The following IGSF3 variants were observed in gnomAD, a reference collection of about 807,000 sequenced individuals.
IGSF3 encodes the protein immunoglobulin superfamily member 3, also known as glu-Trp-Ile EWI motif-containing protein 3.
Under a neutral mutation model 114.4 loss-of-function variants are expected in IGSF3, and 23 were observed. That is an observed-to-expected ratio of 0.20 (90% CI 0.14 to 0.28). The LOEUF (loss-of-function observed/expected upper bound fraction) is 0.28. IGSF3 is among the 10% of genes least tolerant of loss of function. IGSF3 has a pLI of 1.00. For synonymous variants in IGSF3, 571 were observed against 645.2 expected (o/e 0.88, Z 1.74); for missense variants, 1,172 against 1,591.5 (o/e 0.74, Z 4.48).
chr1:116,651,541 T>C lies in IGSF3; in HGVS notation c.43+14743A>G, dbSNP rs1207939937. Among the ~76,000 whole-genome samples, 1 of 152,240 alleles carries C rather than the reference T, an allele frequency of 6.6e-6. No individual in the cohort carries two copies. Among genetic ancestry groups the C allele is most frequent in the Non-Finnish European group, 1.5e-5 (1 of 68,052 alleles). On this transcript the variant is annotated intron_variant, in intron 2 of 10. Coordinates refer to ENST00000369486, the MANE Select transcript of IGSF3 (RefSeq NM_001007237.3). The surrounding 1 kb of genome is among the most constrained non-coding windows in gnomAD (Gnocchi z 4.4). ...ATACCATAGCTAGCATTTCTTTGGC[T>C]AGAGAAAACTGTGTTAAATGCAGCC...
At chr1:116,621,767 A>G (rs553694912) in intron 2 of IGSF3, among the ~76,000 whole-genome samples, 1 of 152,360 alleles carries the variant, frequency 6.6e-6, no homozygotes, top group East Asian at 1.9e-4. Context: ...ATTAAGAAAC[A>G]TTGCATCAGA....
At position 116,608,012 on chromosome 1, in the gene IGSF3, G is replaced by T. The variant is rs752361494; in HGVS notation, c.1152C>A (p.Thr384=). Residue 384 remains threonine (T), a synonymous_variant, in exon 5 of 11, where the codon ACC becomes ACA. Transcript: ENST00000369486. ...CCTTATCAATGAATTCCCCGGTCAC[G>T]GTTTTCTCTCGCTCAGTCACCCGGC... ...YNCRVTEREK[T]VTGEFIDKES... is the part of the protein sequence containing the mutation. 1.2e-6 allele frequency: 2 copies of T among 1,613,780 alleles called. No individual in the cohort carries two copies. Among genetic ancestry groups the T allele is most frequent in the Non-Finnish European group, 1.7e-6 (2 of 1,179,832 alleles).
Position 116,655,122 on chromosome 1 carries a change from G to A in IGSF3, c.43+11162C>T, listed in dbSNP as rs185895998. On this transcript the variant is annotated intron_variant, in intron 2 of 10. Transcript: ENST00000369486. This position sits in a 1 kb window ranked among gnomAD's most constrained non-coding sequence, Gnocchi z 4.3. ...TATTAAAGATTAAAAATACATATCA[G>A]GTGACAACTTAAAATGTTAGTCATG... is the stretch of plus-strand genomic sequence containing the variant. Among the ~76,000 whole-genome samples the A allele has an allele frequency of 8.4e-4, 128 of 152,308 alleles. No homozygotes were observed. The highest frequency in any genetic ancestry group is 1.3e-3 in the Non-Finnish European group (88 of 68,026).
intron 2 of IGSF3, among the ~76,000 whole-genome samples, chr1:116,646,540 A>G (rs564686278): frequency 1.3e-5 from 2 of 152,358 alleles, no homozygotes; most frequent in South Asian, 2.1e-4. Flanking sequence ...TCCTTAATTC[A>G]TTGAGAAGGC....
At position 116,617,350 on chromosome 1, in the gene IGSF3, G is replaced by A. The variant is rs974313964; in HGVS notation, c.44-893C>T. 7.1e-6 allele frequency: 7 copies of A among 985,248 alleles called. No individual in the cohort carries two copies. In the African/African-American group the frequency reaches 1.0e-4, roughly 15 times the overall value. 61.0% of individuals were successfully genotyped at this position (985,248 alleles called of 1,614,324 possible). ...TTCACGCCAACTCAACACTGATTGT[G>A]CCTGAGCCACTCAGAAGGCGGGAGG... On this transcript the variant is annotated intron_variant, in intron 2 of 10. Coordinates refer to ENST00000369486, the MANE Select transcript of IGSF3 (RefSeq NM_001007237.3).
rs768023190 is a variant in IGSF3 at position 116,588,922 on chromosome 1, C to A, written c.2212G>T (p.Ala738Ser). 11 of 1,614,180 alleles carry A rather than the reference C, an allele frequency of 6.8e-6. No individual in the cohort carries two copies. The East Asian group carries it at 2.0e-4, about 29-fold the overall frequency. ...TCGGCGTAAGTACCGTATTCAAAGG[C>A]GGAGTTGTGGGTGGTCTTCAGGATA... Reference protein sequence around the residue: ...KLILKTTHNSAFEYGTYAEEE... With the variant: ...KLILKTTHNSSFEYGTYAEEE... The change falls in exon 8 of 11, where the codon GCC (alanine) becomes TCC (serine). Residue 738 changes from alanine (A) to serine (S), a missense_variant. Physicochemically the swap from Ala to Ser is moderately conservative, Grantham distance 99. Coordinates refer to ENST00000369486, the MANE Select transcript of IGSF3 (RefSeq NM_001007237.3). This position sits in a 1 kb window ranked among gnomAD's most constrained non-coding sequence, Gnocchi z 4.9.
chr1:116,638,394 C>T lies in IGSF3; in HGVS notation c.44-21937G>A, dbSNP rs568504341. On this transcript the variant is annotated intron_variant, in intron 2 of 10. Coordinates refer to ENST00000369486, the MANE Select transcript of IGSF3 (RefSeq NM_001007237.3). This position sits in a 1 kb window ranked among gnomAD's most constrained non-coding sequence, Gnocchi z 4.1. The stretch of plus-strand genomic sequence containing the variant: ...TGCCAGTCCACTCAGTAAACTACTG[C>T]CATACAGGTCTCCCACAGCAGTTTC... 5.1e-4 allele frequency among the ~76,000 whole-genome samples: 77 copies of T among 152,340 alleles called. No individual in the cohort carries two copies. Among genetic ancestry groups the T allele is most frequent in the Middle Eastern group, 6.8e-3 (2 of 294 alleles).
At position 116,655,383 on chromosome 1, in the gene IGSF3, A is replaced by G. The variant is rs1158281267; in HGVS notation, c.43+10901T>C. 6.6e-6 allele frequency among the ~76,000 whole-genome samples: 1 copy of G among 152,240 alleles called. No individual in the cohort carries two copies. Among genetic ancestry groups the G allele is most frequent in the African/African-American group, 2.4e-5 (1 of 41,450 alleles). On this transcript the variant is annotated intron_variant, in intron 2 of 10. Transcript: ENST00000369486. This position sits in a 1 kb window ranked among gnomAD's most constrained non-coding sequence, Gnocchi z 4.3. ...ACATGAATCCCACAGCCATCTCTCC[A>G]AAAGAACAACTATTTTAAAAATCAG...
Position 116,603,855 on chromosome 1 carries a change from G to C in IGSF3, c.1393C>G (p.Arg465Gly). The change falls in exon 6 of 11, where the codon CGG becomes GGG. Residue 465 changes from arginine (R) to glycine (G), a missense_variant. Arg to Gly is a moderately radical substitution (Grantham distance 125). This residue lies in a region of IGSF3 where 736 missense variants were observed against 1,042.0 expected (regional missense o/e 0.71). Coordinates refer to ENST00000369486, the MANE Select transcript of IGSF3 (RefSeq NM_001007237.3). The surrounding 1 kb of genome is among the most constrained non-coding windows in gnomAD (Gnocchi z 7.1). ...GAGCCTGGCTGCACGGTGCCATCCC[G>C]GTCTAGCCACATGATATTGCTGCGG... ...NRRSNIMWLDRDGTVQPGSSY... is the reference protein window; with the variant it reads ...NRRSNIMWLDGDGTVQPGSSY... The C allele has an allele frequency of 6.2e-7, 1 of 1,613,998 alleles. No individual in the cohort carries two copies. The highest frequency in any genetic ancestry group is 8.5e-7 in the Non-Finnish European group (1 of 1,179,900).
chr1:116,601,576 T>TA (rs1312868968), intron 6 of IGSF3, among the ~76,000 whole-genome samples: 2 of 152,244 alleles, frequency 1.3e-5, no homozygotes, highest in Middle Eastern at 3.4e-3. Context: ...AATAGAAATT[T>TA]AAAAAAAGTA....
Position 116,577,102 on chromosome 1 carries a change from C to T in IGSF3, c.*210G>A. The T allele has an allele frequency of 1.7e-6, 1 of 578,328 alleles. No individual in the cohort carries two copies. The highest frequency in any genetic ancestry group is 2.1e-5 in the South Asian group (1 of 46,678). 35.8% of individuals were successfully genotyped at this position (578,328 alleles called of 1,614,324 possible). On this transcript the variant is annotated 3_prime_UTR_variant, in exon 11 of 11. Transcript: ENST00000369486. This position sits in a 1 kb window ranked among gnomAD's most constrained non-coding sequence, Gnocchi z 5.7. ...CAAGAAATCTATAATGGCAGGATCA[C>T]AACATTTGCGCGCAAATAGCTAACC...
At chr1:116,630,553 A>G (rs1376232835) in intron 2 of IGSF3, among the ~76,000 whole-genome samples, 1 of 152,160 alleles carries the variant, frequency 6.6e-6, no homozygotes, top group African/African-American at 2.4e-5. Flanking sequence ...ATCCAAACCC[A>G]CAATCTCTGA....
intron 7 of IGSF3, among the ~76,000 whole-genome samples, chr1:116,597,138 C>T (rs561243180): frequency 1.1e-4 from 16 of 152,322 alleles, no homozygotes; most frequent in African/African-American, 3.6e-4. Context: ...CCCCCATTCA[C>T]TAGGTGTTTA....
chr1:116,638,873 C>A lies in IGSF3; in HGVS notation c.44-22416G>T, dbSNP rs919865010. On this transcript the variant is annotated intron_variant, in intron 2 of 10. Transcript: ENST00000369486. The surrounding 1 kb of genome is among the most constrained non-coding windows in gnomAD (Gnocchi z 4.1). Reference sequence around the variant, plus strand: ...CATCCCCACCTGCAGATGAGTATGGCACCCCAAGGTTAAGTATCTGCCCAG... The same window carrying A: ...CATCCCCACCTGCAGATGAGTATGGAACCCCAAGGTTAAGTATCTGCCCAG... Among the ~76,000 whole-genome samples, 6 of 152,148 alleles carry A rather than the reference C, an allele frequency of 3.9e-5. No individual in the cohort carries two copies. The highest frequency in any genetic ancestry group is 9.7e-5 in the African/African-American group (4 of 41,426).
intron 7 of IGSF3, among the ~76,000 whole-genome samples, chr1:116,590,371 G>GAA (rs1332127076): frequency 7.4e-6 from 1 of 134,254 alleles, no homozygotes; most frequent in Non-Finnish European, 1.6e-5. Flanking sequence ...TACTAAAAAT[G>GAA]AAAAAAAAAA....
At chr1:116,640,699 TGATAAATTTTTA>T (rs1259589291) in intron 2 of IGSF3, among the ~76,000 whole-genome samples, 4 of 152,238 alleles carry the variant, frequency 2.6e-5, no homozygotes, top group African/African-American at 9.6e-5. Context: ...ATTTTCCTAC[TGATAAATTTTTA>T]AGTGGTTTCC....
Position 116,585,113 on chromosome 1 carries a change from TTTCCCA to T in IGSF3, c.2441-67_2441-62del. On this transcript the variant is annotated intron_variant, in intron 8 of 10. Transcript: ENST00000369486. This position sits in a 1 kb window ranked among gnomAD's most constrained non-coding sequence, Gnocchi z 4.9. ...GACAACAAGCAATTCGTACGCACCC[TTTCCCA>T]GGGTAGGTGAATGGATGCCTTCCAA... 7.5e-7 allele frequency: 1 copy of T among 1,333,140 alleles called. No individual in the cohort carries two copies. The highest frequency in any genetic ancestry group is 1.0e-6 in the Non-Finnish European group (1 of 984,346). The allele number at this position is 1,333,140 out of a possible 1,614,324, so 82.6% of individuals were successfully genotyped here. A position where few individuals can be genotyped will look rare whatever the true frequency, so the allele number is the denominator to read the frequency against.
At position 116,648,130 on chromosome 1, in the gene IGSF3, C is replaced by T. The variant is rs1648478974; in HGVS notation, c.43+18154G>A. Among the ~76,000 whole-genome samples, 1 of 152,012 alleles carries T rather than the reference C, an allele frequency of 6.6e-6. No individual in the cohort carries two copies. The highest frequency in any genetic ancestry group is 1.5e-5 in the Non-Finnish European group (1 of 67,990). On this transcript the variant is annotated intron_variant, in intron 2 of 10. Transcript: ENST00000369486. This position sits in a 1 kb window ranked among gnomAD's most constrained non-coding sequence, Gnocchi z 4.7. ...AAAAAAGAAAAAAAAGAGTGGCTACCCAAGAACGCAACAGCAGCAGCAAAC... is the reference window on the plus strand; with the variant it reads ...AAAAAAGAAAAAAAAGAGTGGCTACTCAAGAACGCAACAGCAGCAGCAAAC...
rs904006801 is a variant in IGSF3 at position 116,592,526 on chromosome 1, G to A, written c.2030-3422C>T. Among the ~76,000 whole-genome samples, 3 of 152,176 alleles carry A rather than the reference G, an allele frequency of 2.0e-5. No homozygotes were observed. The highest frequency in any genetic ancestry group is 4.4e-5 in the Non-Finnish European group (3 of 68,028). On this transcript the variant is annotated intron_variant, in intron 7 of 10. Transcript: ENST00000369486. The surrounding 1 kb of genome is among the most constrained non-coding windows in gnomAD (Gnocchi z 4.5). ...ATCTGTGTTTTGTATGGTAGGAGAG[G>A]CTGTTGTGTTTGTTACAGGCCAGGA...
Sources: gnomAD v4.1 joint callset for allele counts (sites outside exome capture counted in the v4.1 genomes callset) on GRCh38, gnomAD v4.1.1 for gene constraint, gnomAD v4.1.1 regional missense constraint, Gnocchi (gnomAD v3.1) non-coding constraint, MANE v1.5 for transcripts, NCBI Gene and HGNC (gene_info 2026-07-23, HGNC 2026-07-21) for gene names.